SGPL1: variants seen among roughly 807,000 people sequenced by gnomAD.
SGPL1 encodes sphingosine-1-phosphate lyase 1.
In SGPL1, 37 loss-of-function variants were observed where a neutral mutation model predicts 68.9. That is an observed-to-expected ratio of 0.54 (90% CI 0.41 to 0.71). The LOEUF (loss-of-function observed/expected upper bound fraction) is 0.71. SGPL1 is among the 30% of genes least tolerant of loss of function. SGPL1 has a pLI of 0.00. For synonymous variants in SGPL1, 236 were observed against 248.5 expected, an observed-to-expected ratio of 0.95 and a Z score of 0.47; for missense variants, 551 against 704.6, an observed-to-expected ratio of 0.78 and a Z score of 2.47.
chr10:70,831,081 C>T (rs560719565), intron 2 of SGPL1, among the ~76,000 whole-genome samples: 1 of 152,292 alleles, frequency 6.6e-6, no homozygotes, highest in Non-Finnish European at 1.5e-5. Context: ...ATCTAGATTA[C>T]TTTGCACTGC....
At position 70,816,088 on chromosome 10, in the gene SGPL1, C is replaced by G. The variant is rs905285819; in HGVS notation, c.-82C>G. On this transcript the variant is annotated 5_prime_UTR_variant, in exon 1 of 15. Coordinates refer to ENST00000373202, the MANE Select transcript of SGPL1 (RefSeq NM_003901.4). ...CAGGAGGTGGAGCCGGCCGGGTGCT[C>G]GAGGGAAGGAGACTGGAAGCTGGTT... 6.6e-6 allele frequency: 1 copy of G among 151,204 alleles called. No individual in the cohort carries two copies. Among genetic ancestry groups the G allele is most frequent in the Non-Finnish European group, 1.5e-5 (1 of 67,930 alleles). The allele number at this position is 151,204 out of a possible 1,614,324, so 9.4% of individuals were successfully genotyped here.
At chr10:70,876,403 T>C (rs1463315322) in intron 13 of SGPL1, 138 bp from the exon 14 acceptor site, 2 of 739,124 alleles carry the variant, frequency 2.7e-6, no homozygotes, top group South Asian at 3.8e-5. Context: ...TTCCCAGGAC[T>C]AGGAACAACT....
intron 4 of SGPL1, among the ~76,000 whole-genome samples, chr10:70,853,527 CCTGTCTTACTATTTT>C (rs773903780): frequency 6.6e-6 from 1 of 152,176 alleles, no homozygotes; most frequent in Non-Finnish European, 1.5e-5. Context: ...CTTTTTGTTA[CCTGTCTTACTATTTT>C]CTGTCTCTCC....
chr10:70,851,186 G>A lies in SGPL1; in HGVS notation c.237G>A (p.Arg79=), dbSNP rs747961043. Residue 79 remains arginine (R), a synonymous_variant, in exon 4 of 15, where the codon AGG becomes AGA. Coordinates refer to ENST00000373202, the MANE Select transcript of SGPL1 (RefSeq NM_003901.4). ...RFKKKCFKLT[R]KMPIIGRKIQ... The stretch of plus-strand genomic sequence containing the variant: ...AAAAGAAATGTTTTAAGCTCACCAG[G>A]AAGATGCCCATTATTGGTCGTAAGG... 1.3e-5 allele frequency: 21 copies of A among 1,613,688 alleles called. No homozygotes were observed. The South Asian group carries it at 1.6e-4, about 13-fold the overall frequency.
At chr10:70,860,951 T>C (rs1411923125) in intron 7 of SGPL1, among the ~76,000 whole-genome samples, 1 of 152,162 alleles carries the variant, frequency 6.6e-6, no homozygotes, top group East Asian at 1.9e-4. Context: ...CATCCATCTT[T>C]GGCCAGTGGA....
rs1846307958 is a variant in SGPL1, at chr10:70,872,077, T to C, written c.1059+91T>C. 5.4e-6 allele frequency: 7 copies of C among 1,290,304 alleles called. No homozygotes were observed. In the Admixed American group the frequency reaches 1.4e-4, roughly 26 times the overall value. The allele number at this position is 1,290,304 out of a possible 1,614,324, so 79.9% of individuals were successfully genotyped here. On this transcript the variant is annotated intron_variant, in intron 11 of 14. Coordinates refer to ENST00000373202, the MANE Select transcript of SGPL1 (RefSeq NM_003901.4). Reference sequence around the variant, plus strand: ...GGTAGCTTCCCCGCAAAGTATAAAATTAACTATAGAATTCTCATCAGATGC... The same window carrying C: ...GGTAGCTTCCCCGCAAAGTATAAAACTAACTATAGAATTCTCATCAGATGC...
intron 4 of SGPL1, among the ~76,000 whole-genome samples, chr10:70,853,819 G>A (rs926938515): frequency 3.9e-5 from 6 of 152,202 alleles, no homozygotes; most frequent in African/African-American, 7.2e-5. Context: ...GCAAGCTGTC[G>A]ACAGCAGCTT....
rs1205024206 is a variant in SGPL1, at chr10:70,816,028, G to C, written c.-142G>C. ...GCGGCAACAGGGGAGCCTGGGTCTC[G>C]CGGCCTGCGAGTCCGTCGCGTGCTG... is the stretch of plus-strand genomic sequence containing the variant. On this transcript the variant is annotated 5_prime_UTR_variant, in exon 1 of 15. Transcript: ENST00000373202. 1 of 151,530 alleles carries C rather than the reference G, an allele frequency of 6.6e-6. No individual in the cohort carries two copies. Among genetic ancestry groups the C allele is most frequent in the Non-Finnish European group, 1.5e-5 (1 of 67,882 alleles). The allele number at this position is 151,530 out of a possible 1,614,324, so 9.4% of individuals were successfully genotyped here. A position where few individuals can be genotyped will look rare whatever the true frequency, so the allele number is the denominator to read the frequency against.
intron 2 of SGPL1, among the ~76,000 whole-genome samples, chr10:70,843,903 T>C (rs827234): frequency 0.99 from 150,327 of 152,338 alleles, 74,206 homozygotes; most frequent in Middle Eastern, 1. Context: ...TTTTGGTGTC[T>C]GTAATTACAT....
chr10:70,823,894 A>G (rs1589447015), intron 2 of SGPL1, among the ~76,000 whole-genome samples: 2 of 152,298 alleles, frequency 1.3e-5, no homozygotes, highest in East Asian at 3.9e-4. Context: ...TATGATTGGA[A>G]TATTGATATG....
chr10:70,857,519 G>A, intron 5 of SGPL1, 95 bp from the exon 6 acceptor site: 3 of 963,332 alleles, frequency 3.1e-6, no homozygotes, highest in Non-Finnish European at 4.9e-6. Context: ...TTTTTCTTTT[G>A]TATCCAGAGG....
chr10:70,843,931 ATGTTCCTTTGTTT>A (rs1845753679), intron 2 of SGPL1, among the ~76,000 whole-genome samples: 2 of 152,230 alleles, frequency 1.3e-5, no homozygotes, highest in South Asian at 4.1e-4. Flanking sequence ...GAACACAGCC[ATGTTCCTTTGTTT>A]ACACAATAAC....
intron 7 of SGPL1, among the ~76,000 whole-genome samples, chr10:70,865,929 T>A (rs961253710): frequency 6.6e-6 from 1 of 152,208 alleles, no homozygotes; most frequent in African/African-American, 2.4e-5. Context: ...AAGTGAGAGT[T>A]TTTATACATG....
At chr10:70,860,076 A>G (rs1846025319) in intron 7 of SGPL1, among the ~76,000 whole-genome samples, 1 of 152,244 alleles carries the variant, frequency 6.6e-6, no homozygotes, top group Non-Finnish European at 1.5e-5. Context: ...TTAGGCATAA[A>G]GAAAGGGGGA....
intron 2 of SGPL1, among the ~76,000 whole-genome samples, chr10:70,826,890 AT>A (rs1285105754): frequency 6.6e-6 from 1 of 152,158 alleles, no homozygotes; most frequent in Non-Finnish European, 1.5e-5. Flanking sequence ...TATATATAGT[AT>A]TTTATTGTGT....
chr10:70,816,859 T>TA lies in SGPL1; in HGVS notation c.7dup (p.Ser3LysfsTer11), dbSNP rs1131692254. ...GAGGAGGCTGGAAGAGGAAGATGCCTAGCACAGACCTTCTGATGTTGGTGA... is the reference window on the plus strand; with the variant it reads ...GAGGAGGCTGGAAGAGGAAGATGCCTAAGCACAGACCTTCTGATGTTGGTGA... On this transcript the variant is annotated frameshift_variant, in exon 2 of 15. Transcript: ENST00000373202. LOFTEE classifies it high-confidence loss of function. The TA allele has an allele frequency of 6.2e-7, 1 of 1,614,124 alleles. No individual in the cohort carries two copies. Among genetic ancestry groups the TA allele is most frequent in the Non-Finnish European group, 8.5e-7 (1 of 1,179,964 alleles).
Position 70,846,040 on chromosome 10 carries a change from A to G in SGPL1, c.193+1402A>G, listed in dbSNP as rs182152541. Among the ~76,000 whole-genome samples the G allele has an allele frequency of 1.8e-4, 27 of 152,348 alleles. No homozygotes were observed. In the East Asian group the frequency reaches 5.0e-3, roughly 28 times the overall value. ...TTTATGGCGCAGTAAACATTGCAAA[A>G]CCTGACAACCAAGAAGCAAGTTCCA... On this transcript the variant is annotated intron_variant, in intron 3 of 14. Coordinates refer to ENST00000373202, the MANE Select transcript of SGPL1 (RefSeq NM_003901.4).
chr10:70,854,946 T>C, intron 5 of SGPL1, 91 bp downstream of exon 5: 1 of 1,139,964 alleles, frequency 8.8e-7, no homozygotes, highest in South Asian at 2.1e-5. Context: ...GAATAACTCA[T>C]CATTGGTTAA....
chr10:70,863,303 T>G (rs1051442308), intron 7 of SGPL1, among the ~76,000 whole-genome samples: 1 of 151,462 alleles, frequency 6.6e-6, no homozygotes, highest in Non-Finnish European at 1.5e-5. Context: ...TTTTTTTTTT[T>G]TTTTTTTTAA....
Sources: allele counts gnomAD v4.1 joint callset (sites outside exome capture counted in the v4.1 genomes callset), GRCh38; gene constraint gnomAD v4.1.1; transcripts MANE v1.5; gene names NCBI Gene and HGNC (gene_info 2026-07-23, HGNC 2026-07-21).